Variants in NMNAT2 observed in about 807,000 individuals in gnomAD.
NMNAT2 encodes the protein nicotinamide/nicotinic acid mononucleotide adenylyltransferase 2.
In NMNAT2, 11 loss-of-function variants were observed where a neutral mutation model predicts 41.6. The ratio of observed to expected loss-of-function variants is 0.26; its 90% CI spans 0.17 to 0.44. The LOEUF (loss-of-function observed/expected upper bound fraction) is 0.44, where lower values mean the gene tolerates loss of function less well. NMNAT2 is among the 20% of genes least tolerant of loss of function. The pLI, the probability that NMNAT2 is intolerant of heterozygous loss-of-function variation, is 1.00. For missense variants in NMNAT2, 288 were observed against 407.7 expected (o/e 0.71, Z 2.53); for synonymous variants, 148 against 151.2 (o/e 0.98, Z 0.16).
Position 183,342,022 on chromosome 1 carries a change from CTT to C in NMNAT2, c.86-48231_86-48230del, listed in dbSNP as rs11355849. On this transcript the variant is annotated intron_variant, in intron 1 of 10. Transcript: ENST00000287713. ...GGTTGTCTTTATCTTCCTTCCTCAC[CTT>C]TTTTTTTTTTTTTTTTTACCAACCC... Among the ~76,000 whole-genome samples the C allele has an allele frequency of 8.2e-3, 1,093 of 132,510 alleles. 9 individuals are homozygous for C. Among genetic ancestry groups the C allele is most frequent in the African/African-American group, 0.019 (687 of 35,788 alleles). The allele number at this position is 132,510 out of a possible 152,430, so 86.9% of individuals were successfully genotyped here.
At chr1:183,317,541 G>A (rs1027128859) in intron 1 of NMNAT2, among the ~76,000 whole-genome samples, 2 of 152,142 alleles carry the variant, frequency 1.3e-5, no homozygotes, top group Admixed American at 6.6e-5. Context: ...CAAAGTGCTG[G>A]GATTATAGGC....
intron 1 of NMNAT2, among the ~76,000 whole-genome samples, chr1:183,341,750 T>TAAAAAAAAAAAAAAAAA (rs1662821390): frequency 3.0e-5 from 1 of 33,482 alleles, no homozygotes; most frequent in African/African-American, 1.2e-4. Context: ...AAAAAAAACC[T>TAAAAAAAAAAAAAAAAA]GTTTCCTTCA....
intron 8 of NMNAT2, among the ~76,000 whole-genome samples, chr1:183,271,437 C>A (rs1660986595): frequency 6.6e-6 from 1 of 152,154 alleles, no homozygotes; most frequent in South Asian, 2.1e-4. Context: ...CAAGGGCCAC[C>A]CCCTCCCACA....
At chr1:183,329,150 T>G (rs910697877) in intron 1 of NMNAT2, among the ~76,000 whole-genome samples, 43 of 152,218 alleles carry the variant, frequency 2.8e-4, no homozygotes, top group African/African-American at 1.0e-3. Context: ...CTATGGGGGT[T>G]CATGATTTCT....
At chr1:183,301,532 T>A (rs1661852763) in intron 1 of NMNAT2, among the ~76,000 whole-genome samples, 3 of 152,254 alleles carry the variant, frequency 2.0e-5, no homozygotes, top group Non-Finnish European at 4.4e-5. Flanking sequence ...ACATTAGACA[T>A]GCAAGTCAGA....
chr1:183,277,667 T>G (rs2102296256), intron 8 of NMNAT2, among the ~76,000 whole-genome samples: 1 of 152,242 alleles, frequency 6.6e-6, no homozygotes, highest in African/African-American at 2.4e-5. Flanking sequence ...CACGAACATA[T>G]TTCATATGTG....
rs550868050 is a variant in NMNAT2 at position 183,253,450 on chromosome 1, A to G, written c.822-707T>C. On this transcript the variant is annotated intron_variant, in intron 10 of 10. Transcript: ENST00000287713. Reference sequence around the variant, plus strand: ...TTCTTCTTGTGGCGAGAATAGCTATAATCTACTAATTTAGCAAAAACCCTA... The same window carrying G: ...TTCTTCTTGTGGCGAGAATAGCTATGATCTACTAATTTAGCAAAAACCCTA... 2.0e-4 allele frequency among the ~76,000 whole-genome samples: 31 copies of G among 152,012 alleles called. 1 individual carries two copies. Among genetic ancestry groups the G allele is most frequent in the African/African-American group, 7.2e-4 (30 of 41,498 alleles).
At chr1:183,288,371 T>C (rs1661448244) in intron 4 of NMNAT2, among the ~76,000 whole-genome samples, 1 of 152,160 alleles carries the variant, frequency 6.6e-6, no homozygotes, top group African/African-American at 2.4e-5. Flanking sequence ...GCTTGCTAGG[T>C]GTTTGAAGGC....
intron 1 of NMNAT2, among the ~76,000 whole-genome samples, chr1:183,389,538 C>T (rs1648376479): frequency 6.6e-6 from 1 of 151,226 alleles, no homozygotes; most frequent in Admixed American, 6.6e-5. Context: ...TTAAATGGGA[C>T]AAAACAGGCA....
intron 1 of NMNAT2, 74 bp downstream of exon 1, chr1:183,418,109 C>G (rs1239688574): frequency 7.1e-7 from 1 of 1,400,442 alleles, no homozygotes; most frequent in Non-Finnish European, 1.0e-6. Context: ...CCCGTTCGAT[C>G]GCCCTGGAAA....
intron 1 of NMNAT2, among the ~76,000 whole-genome samples, chr1:183,346,238 C>T (rs1010110759): frequency 2.6e-5 from 4 of 152,128 alleles, no homozygotes; most frequent in Non-Finnish European, 5.9e-5. Context: ...AGACTGAGCA[C>T]CCCTGATCTC....
chr1:183,286,785 C>A lies in NMNAT2; in HGVS notation c.325G>T (p.Val109Leu), dbSNP rs776132518. Reference protein sequence around the residue: ...LEHHRDLMKRVTGCILSNVNT... With the variant: ...LEHHRDLMKRLTGCILSNVNT... ...ACATTGGAGAGGATGCAGCCAGTCACCCTCTAGGGAGAGAGAGAAGAGTGT... is the reference window on the plus strand; with the variant it reads ...ACATTGGAGAGGATGCAGCCAGTCAACCTCTAGGGAGAGAGAGAAGAGTGT... Residue 109 changes from valine to leucine, a missense_variant, in exon 5 of 11, where the codon GTG becomes TTG. Transcript: ENST00000287713. 6.2e-7 allele frequency: 1 copy of A among 1,609,162 alleles called. No individual in the cohort carries two copies. Among genetic ancestry groups the A allele is most frequent in the Non-Finnish European group, 8.5e-7 (1 of 1,177,808 alleles).
At chr1:183,278,793 C>T in intron 7 of NMNAT2, 164 bp from the exon 8 acceptor site, 2 of 599,626 alleles carry the variant, frequency 3.3e-6, no homozygotes, top group Admixed American at 2.8e-5. Flanking sequence ...AGAGCAGAAA[C>T]CCCTGCTCAC....
At chr1:183,372,272 C>G (rs1663564860) in intron 1 of NMNAT2, among the ~76,000 whole-genome samples, 1 of 152,096 alleles carries the variant, frequency 6.6e-6, no homozygotes. Flanking sequence ...CAGAGGCTAT[C>G]CATCAAACCA....
At chr1:183,376,017 A>G (rs1350665568) in intron 1 of NMNAT2, among the ~76,000 whole-genome samples, 1 of 152,138 alleles carries the variant, frequency 6.6e-6, no homozygotes, top group African/African-American at 2.4e-5. Flanking sequence ...TAATGCTATT[A>G]AGATGAAAGG....
chr1:183,349,142 G>T (rs1662993075), intron 1 of NMNAT2, among the ~76,000 whole-genome samples: 1 of 152,244 alleles, frequency 6.6e-6, no homozygotes. Flanking sequence ...AAATAGCCCT[G>T]GTGAAACCTG....
At chr1:183,256,088 A>G (rs1660508701) in intron 10 of NMNAT2, among the ~76,000 whole-genome samples, 1 of 152,044 alleles carries the variant, frequency 6.6e-6, no homozygotes, top group African/African-American at 2.4e-5. Flanking sequence ...TTATAATGTT[A>G]GCTGTGGGTT....
intron 1 of NMNAT2, among the ~76,000 whole-genome samples, chr1:183,338,012 T>C (rs658205): frequency 0.72 from 109,686 of 151,886 alleles, 39,779 homozygotes; most frequent in East Asian, 0.91. Context: ...AGATCCCCTC[T>C]CTAAAGAAAG....
intron 8 of NMNAT2, among the ~76,000 whole-genome samples, chr1:183,267,729 G>A (rs547897881): frequency 2.0e-5 from 3 of 152,194 alleles, no homozygotes; most frequent in South Asian, 2.1e-4. Context: ...TTTTCTGCTC[G>A]AGGGGACCAG....
Sources: allele counts gnomAD v4.1 joint callset (sites outside exome capture counted in the v4.1 genomes callset), GRCh38; gene constraint gnomAD v4.1.1; transcripts MANE v1.5; gene names NCBI Gene and HGNC (gene_info 2026-07-23, HGNC 2026-07-21).